CPA5: variants seen among roughly 807,000 people sequenced by gnomAD.
The protein encoded by CPA5 is carboxypeptidase A5.
Under a neutral mutation model 52.2 loss-of-function variants are expected in CPA5, and 38 were observed. The observed-to-expected ratio is 0.73, with a 90% CI of 0.56 to 0.95. The LOEUF (loss-of-function observed/expected upper bound fraction) is 0.95. Among genes scored for constraint, CPA5 ranks in the 40% least tolerant of loss-of-function variants. The pLI is 0.00. For missense variants in CPA5, 519 were observed against 566.7 expected, an observed-to-expected ratio of 0.92 and a Z score of 0.86; for synonymous variants, 198 against 213.7, an observed-to-expected ratio of 0.93 and a Z score of 0.64.
the CPA5 span, among the ~76,000 whole-genome samples, chr7:130,374,097 C>T: frequency 6.6e-6 from 1 of 152,164 alleles, no homozygotes; most frequent in Non-Finnish European, 1.5e-5. Flanking sequence ...GGACACGGGC[C>T]GGCTGTGCTC....
At chr7:130,371,308 A>G (rs567222009), downstream of CPA5, among the ~76,000 whole-genome samples, 1 of 152,338 alleles carries the variant, frequency 6.6e-6, no homozygotes, top group South Asian at 2.1e-4. Flanking sequence ...CAGGACTATT[A>G]CTGTCCTTAT....
At chr7:130,365,391 A>C (rs1796022754) in intron 10 of CPA5, among the ~76,000 whole-genome samples, 1 of 152,172 alleles carries the variant, frequency 6.6e-6, no homozygotes, top group African/African-American at 2.4e-5. Flanking sequence ...CACCACAGGA[A>C]AAAAAATATC....
At chr7:130,351,524 C>T (rs1035827919) in intron 5 of CPA5, among the ~76,000 whole-genome samples, 2 of 152,222 alleles carry the variant, frequency 1.3e-5, no homozygotes, top group Non-Finnish European at 2.9e-5. Flanking sequence ...GGAAAATGCT[C>T]TGACCTCTTA....
rs549587383 is a variant in CPA5, at chr7:130,365,766, T to C, written c.839-1606T>C. ...ACCTGGTCGTTGGCAGGGGAACCGCTTTCTGTGCGTGGGCCGCAAAGGCAG... is the reference window on the plus strand; with the variant it reads ...ACCTGGTCGTTGGCAGGGGAACCGCCTTCTGTGCGTGGGCCGCAAAGGCAG... On this transcript the variant is annotated intron_variant, in intron 10 of 12. Transcript: ENST00000474905. Among the ~76,000 whole-genome samples the C allele has an allele frequency of 2.6e-5, 4 of 152,366 alleles. No individual in the cohort carries two copies. In the East Asian group the frequency reaches 7.7e-4, roughly 29 times the overall value.
chr7:130,360,741 G>C (rs1795746607), intron 6 of CPA5, among the ~76,000 whole-genome samples: 1 of 152,214 alleles, frequency 6.6e-6, no homozygotes. Flanking sequence ...TCTAAAAGGA[G>C]CGAGAAGATA....
At chr7:130,373,560 C>A (rs1554410142), downstream of CPA5, among the ~76,000 whole-genome samples, 1 of 152,212 alleles carries the variant, frequency 6.6e-6, no homozygotes, top group Non-Finnish European at 1.5e-5. Flanking sequence ...GGGGCTGGGC[C>A]CTGGCAGGGA....
intron 10 of CPA5, among the ~76,000 whole-genome samples, chr7:130,366,957 T>C (rs374794497): frequency 4.9e-4 from 75 of 152,288 alleles, no homozygotes; most frequent in Middle Eastern, 3.4e-3. Flanking sequence ...TCTGACATAT[T>C]AGATTAGAGG....
chr7:130,361,200 C>A lies in CPA5; in HGVS notation c.490C>A (p.Gln164Lys). The A allele has an allele frequency of 6.2e-7, 1 of 1,614,032 alleles. No homozygotes were observed. Among genetic ancestry groups the A allele is most frequent in the South Asian group, 1.1e-5 (1 of 91,058 alleles). ...MEHSDIVSKI[Q>K]IGNSFENQSI... is the part of the protein sequence containing the mutation. ...GCATTCCGATATTGTCTCAAAAATT[C>A]AGATTGGCAACAGCTTTGAAAACCA... Residue 164 changes from glutamine (Q) to lysine (K), a missense_variant, in exon 7 of 13, where the codon CAG becomes AAG. Physicochemically the swap from Gln to Lys is moderately conservative, Grantham distance 53. Coordinates refer to ENST00000474905, the MANE Select transcript of CPA5 (RefSeq NM_080385.5).
At chr7:130,352,299 G>C (rs1795197082) in intron 5 of CPA5, among the ~76,000 whole-genome samples, 1 of 152,082 alleles carries the variant, frequency 6.6e-6, no homozygotes, top group Non-Finnish European at 1.5e-5. Context: ...CAAGGGGCTG[G>C]AAACACAGAG....
rs781973473 is a variant in CPA5 at position 130,346,530 on chromosome 7, C to T, written c.45C>T (p.Pro15=). The T allele has an allele frequency of 1.4e-5, 23 of 1,613,884 alleles. No homozygotes were observed. Among genetic ancestry groups the T allele is most frequent in the Non-Finnish European group, 1.7e-5 (20 of 1,179,958 alleles). ...GCGGGACGCGCCCTGGGCCATCCCC[C>T]GTGGACAGGCGGACACTCCTGGTCT... ...PGGGTRPGPS[P]VDRRTLLVFS... is the part of the protein sequence containing the mutation. The change falls in exon 3 of 13, where the codon CCC becomes CCT. Residue 15 remains proline, a synonymous_variant. Coordinates refer to ENST00000474905, the MANE Select transcript of CPA5 (RefSeq NM_080385.5).
chr7:130,345,553 G>A (rs1794683113), intron 1 of CPA5: 1 of 152,240 alleles, frequency 6.6e-6, no homozygotes, highest in Non-Finnish European at 1.5e-5. Flanking sequence ...CAGCAGGACT[G>A]AGAAATTGAC....
intron 5 of CPA5, among the ~76,000 whole-genome samples, chr7:130,351,061 C>T (rs1195400024): frequency 6.6e-6 from 1 of 152,216 alleles, no homozygotes; most frequent in Non-Finnish European, 1.5e-5. Flanking sequence ...CACCGTATGT[C>T]AGGGGATCAA....
intron 5 of CPA5, among the ~76,000 whole-genome samples, chr7:130,351,866 C>T (rs1584797181): frequency 6.6e-6 from 1 of 152,142 alleles, no homozygotes; most frequent in Non-Finnish European, 1.5e-5. Context: ...GGGCCCTCTG[C>T]GGTTGTCTGC....
At position 130,365,144 on chromosome 7, in the gene CPA5, C is replaced by T. The variant is rs1554407884; in HGVS notation, c.838+1635C>T. Among the ~76,000 whole-genome samples the T allele has an allele frequency of 2.6e-5, 4 of 152,136 alleles. No homozygotes were observed. The South Asian group carries it at 8.3e-4, about 31-fold the overall frequency. ...GTTCTCACTGAAAAATAAGGATGGC[C>T]CCAAAGCACTGAGAGTGAGGTCCCT... On this transcript the variant is annotated intron_variant, in intron 10 of 12. Transcript: ENST00000474905.
At chr7:130,349,842 C>A (rs1260669440) in intron 4 of CPA5, 133 bp from the exon 5 acceptor site, 4 of 1,013,648 alleles carry the variant, frequency 3.9e-6, no homozygotes, top group Non-Finnish European at 4.3e-6. Flanking sequence ...GACATCACAC[C>A]CCCGTCCCCA....
chr7:130,365,628 C>G (rs545248690), intron 10 of CPA5, among the ~76,000 whole-genome samples: 2 of 152,212 alleles, frequency 1.3e-5, no homozygotes, highest in East Asian at 3.8e-4. Flanking sequence ...TGACTGTGAA[C>G]GTCAGAGATG....
At chr7:130,374,084 T>C in the CPA5 span, among the ~76,000 whole-genome samples, 7 of 152,058 alleles carry the variant, frequency 4.6e-5, no homozygotes, top group East Asian at 7.8e-4. Flanking sequence ...CCCAGGCATG[T>C]TGGGACACGG....
In CPA5 at chr7:130,345,217, A is replaced by G. The variant is rs1794662201; in HGVS notation, c.-152+12A>G. 1 of 152,066 alleles carries G rather than the reference A, an allele frequency of 6.6e-6. No individual in the cohort carries two copies. Among genetic ancestry groups the G allele is most frequent in the Non-Finnish European group, 1.5e-5 (1 of 68,004 alleles). 9.4% of individuals were successfully genotyped at this position (152,066 alleles called of 1,614,324 possible). On this transcript the variant is annotated intron_variant, in intron 1 of 12. Coordinates refer to ENST00000474905, the MANE Select transcript of CPA5 (RefSeq NM_080385.5). Reference sequence around the variant, plus strand: ...ATGGAGTAGGGCAGGTGGGTGGGGGAGCAGGGCGTTCTGTCGATAAACGAG... The same window carrying G: ...ATGGAGTAGGGCAGGTGGGTGGGGGGGCAGGGCGTTCTGTCGATAAACGAG...
intron 4 of CPA5, among the ~76,000 whole-genome samples, chr7:130,349,226 A>G (rs1794973368): frequency 6.6e-6 from 1 of 152,174 alleles, no homozygotes; most frequent in Non-Finnish European, 1.5e-5. Context: ...TGAGGTCGGG[A>G]GTTCAAGACC....
Sources: allele counts gnomAD v4.1 joint callset (sites outside exome capture counted in the v4.1 genomes callset), GRCh38; gene constraint gnomAD v4.1.1; transcripts MANE v1.5; gene names NCBI Gene and HGNC (gene_info 2026-07-23, HGNC 2026-07-21).